Variants in CYGB observed in about 807,000 individuals in gnomAD.
The protein encoded by CYGB is cytoglobin, also known as histoglobin.
A neutral mutation model predicts 20.7 loss-of-function variants in CYGB; 13 were observed. That is an observed-to-expected ratio of 0.63 (90% CI 0.41 to 1.00). The LOEUF (loss-of-function observed/expected upper bound fraction) is 1.00. Among genes scored for constraint, CYGB ranks in the 50% least tolerant of loss-of-function variants. The probability of loss-of-function intolerance (pLI) is 0.00; values close to 1 mark genes in which losing one functional copy is unlikely to be tolerated. For synonymous variants in CYGB, 93 were observed against 107.4 expected (o/e 0.87, Z 0.83); for missense variants, 218 against 257.2 (o/e 0.85, Z 1.04).
chr17:76,548,151 A>G (rs2075073534), intron 1 of CYGB, among the ~76,000 whole-genome samples: 1 of 152,058 alleles, frequency 6.6e-6, no homozygotes, highest in Non-Finnish European at 1.5e-5. Flanking sequence ...AGACATACAC[A>G]TTCACACATA....
rs144940424 is a variant in CYGB, at chr17:76,535,716, C to T, written c.143+1684G>A. Among the ~76,000 whole-genome samples, 485 of 152,274 alleles carry T rather than the reference C, an allele frequency of 3.2e-3. 8 individuals are homozygous for T. Among genetic ancestry groups the T allele is most frequent in the South Asian group, 0.026 (127 of 4,824 alleles). On this transcript the variant is annotated intron_variant, in intron 1 of 3. Transcript: ENST00000293230. ...GAGAAAGAAATCCTTGCTGAAAACT[C>T]GGACTGCCCAGACATGGCCCTGGCC...
In CYGB at chr17:76,531,226, C is replaced by A; in HGVS notation, c.376-84G>T. On this transcript the variant is annotated intron_variant, in intron 2 of 3. Transcript: ENST00000293230. This position sits in a 1 kb window ranked among gnomAD's most constrained non-coding sequence, Gnocchi z 7.4. The stretch of plus-strand genomic sequence containing the variant: ...CCAGGCCCCTCCGCCCCACGTGTGG[C>A]CGAGAGGATCATTCCTAACGCAACA... 7.0e-7 allele frequency: 1 copy of A among 1,423,750 alleles called. No individual in the cohort carries two copies. The highest frequency in any genetic ancestry group is 2.0e-5 in the Admixed American group (1 of 49,442). 88.2% of individuals were successfully genotyped at this position (1,423,750 alleles called of 1,614,324 possible).
At chr17:76,537,360 C>T (rs1299919601) in intron 1 of CYGB, 40 bp downstream of exon 1, 1 of 1,551,562 alleles carries the variant, frequency 6.4e-7, no homozygotes, top group Admixed American at 1.9e-5. Context: ...CCGCTGCCGC[C>T]CTCCCTGCCC....
upstream of CYGB, among the ~76,000 whole-genome samples, chr17:76,542,152 G>C (rs1567911978): frequency 6.6e-6 from 1 of 152,188 alleles, no homozygotes; most frequent in Non-Finnish European, 1.5e-5. Context: ...GGGATGCTCA[G>C]GCCCGATTCC....
At chr17:76,538,456 A>AC (rs1442269270), upstream of CYGB, 3 of 466,060 alleles carry the variant, frequency 6.4e-6, no homozygotes, top group East Asian at 2.2e-4. Flanking sequence ...CGGTGCACGA[A>AC]CGCGGCGGCG....
At chr17:76,529,646 G>C in intron 3 of CYGB, 1 of 985,412 alleles carries the variant, frequency 1.0e-6, no homozygotes, top group Non-Finnish European at 1.2e-6. Context: ...TGGGGAGAGG[G>C]GTGGGAGGGC....
chr17:76,540,381 T>A (rs190352626), upstream of CYGB: 175 of 1,317,426 alleles, frequency 1.3e-4, 1 homozygote, highest in African/African-American at 2.4e-3. The surrounding 1 kb of genome is among the most constrained non-coding windows in gnomAD (Gnocchi z 5.0). Flanking sequence ...CAGGGGGACT[T>A]AGAGCTTCAA....
chr17:76,532,915 A>G (rs928086628), intron 1 of CYGB, among the ~76,000 whole-genome samples: 22 of 152,134 alleles, frequency 1.4e-4, no homozygotes, highest in African/African-American at 5.3e-4. Context: ...ATCAGAACTT[A>G]AATAACTTAA....
intron 1 of CYGB, among the ~76,000 whole-genome samples, chr17:76,549,224 A>G (rs2075083951): frequency 1.3e-5 from 2 of 152,254 alleles, no homozygotes. Context: ...TCCGGAATAC[A>G]TAAAGAACTT....
intron 3 of CYGB, chr17:76,529,138 A>G (rs1373291391): frequency 1.0e-6 from 1 of 977,826 alleles, no homozygotes; most frequent in Non-Finnish European, 1.2e-6. Context: ...TGCTTCCCTG[A>G]TAAGAGAAGT....
intron 3 of CYGB, chr17:76,529,981 G>A (rs200455711): frequency 2.2e-5 from 22 of 985,298 alleles, no homozygotes; most frequent in Admixed American, 1.2e-4. Context: ...GAGGCCTGGC[G>A]TCCCCAGCTG....
chr17:76,543,964 G>T (rs914287041), intron 1 of CYGB: 6 of 466,118 alleles, frequency 1.3e-5, no homozygotes, highest in African/African-American at 1.2e-4. Flanking sequence ...TTCCAAACGG[G>T]CAGTAGCGTG....
At chr17:76,535,824 G>A (rs1196331317) in intron 1 of CYGB, among the ~76,000 whole-genome samples, 6 of 152,186 alleles carry the variant, frequency 3.9e-5, no homozygotes, top group Non-Finnish European at 5.9e-5. Context: ...TGATGTGGAC[G>A]GTGAGCACTT....
At chr17:76,540,393 G>A, upstream of CYGB, 2 of 1,336,740 alleles carry the variant, frequency 1.5e-6, no homozygotes, top group South Asian at 2.4e-5. This position sits in a 1 kb window ranked among gnomAD's most constrained non-coding sequence, Gnocchi z 5.0. Flanking sequence ...GAGCTTCAAA[G>A]GCTCTAGTTG....
upstream of CYGB, chr17:76,540,253 G>GC (rs201716822): frequency 7.6e-6 from 8 of 1,048,424 alleles, 1 homozygote; most frequent in Admixed American, 2.1e-5. The surrounding 1 kb of genome is among the most constrained non-coding windows in gnomAD (Gnocchi z 5.0). Context: ...CGGTTGGTCG[G>GC]GGGGGGGGGG....
At chr17:76,547,043 G>A (rs1381589811) in intron 1 of CYGB, 3 of 152,228 alleles carry the variant, frequency 2.0e-5, no homozygotes, top group Admixed American at 6.5e-5. Flanking sequence ...CTGTGGTCCC[G>A]CCCAGCCTGC....
intron 1 of CYGB, among the ~76,000 whole-genome samples, chr17:76,547,867 ACATATT>A (rs2075069144): frequency 1.3e-5 from 2 of 151,766 alleles, no homozygotes; most frequent in South Asian, 4.2e-4. Context: ...ATACACATAT[ACATATT>A]CACACACATA....
chr17:76,549,381 A>C (rs2075085971), intron 1 of CYGB, among the ~76,000 whole-genome samples: 1 of 152,264 alleles, frequency 6.6e-6, no homozygotes, highest in South Asian at 2.1e-4. Flanking sequence ...TAATACCAGC[A>C]CTTTGGGAAA....
At chr17:76,541,386 G>A (rs1396795489), upstream of CYGB, among the ~76,000 whole-genome samples, 1 of 152,234 alleles carries the variant, frequency 6.6e-6, no homozygotes, top group East Asian at 1.9e-4. Context: ...AGGGCGCACT[G>A]GCAGGAGGGT....
Sources: gnomAD v4.1 joint callset for allele counts (sites outside exome capture counted in the v4.1 genomes callset) on GRCh38, gnomAD v4.1.1 for gene constraint, Gnocchi (gnomAD v3.1) non-coding constraint, MANE v1.5 for transcripts, NCBI Gene and HGNC (gene_info 2026-07-23, HGNC 2026-07-21) for gene names.